The following KCNMB4 variants were observed in gnomAD, a reference collection of about 807,000 sequenced individuals.
KCNMB4 encodes the protein calcium-activated potassium channel subunit beta-4.
KCNMB4 carries 3 observed loss-of-function variants against 20.7 expected under a neutral mutation model. That is an observed-to-expected ratio of 0.14 (90% CI 0.07 to 0.37). KCNMB4 has a LOEUF of 0.37. KCNMB4 is among the 10% of genes least tolerant of loss of function. The pLI is 1.00. For synonymous variants in KCNMB4, 110 were observed against 113.4 expected (o/e 0.97, Z 0.19); for missense variants, 168 against 265.9 (o/e 0.63, Z 2.56).
At chr12:70,383,559 A>G (rs903932264) in intron 1 of KCNMB4, among the ~76,000 whole-genome samples, 4 of 152,220 alleles carry the variant, frequency 2.6e-5, no homozygotes, top group Non-Finnish European at 5.9e-5. Flanking sequence ...ATTTGTCCAC[A>G]GTTCTGAAGT....
intron 1 of KCNMB4, among the ~76,000 whole-genome samples, chr12:70,374,129 TA>T (rs1883645727): frequency 6.6e-6 from 1 of 152,182 alleles, no homozygotes; most frequent in Admixed American, 6.5e-5. Context: ...AACTTATGCA[TA>T]AAAAAGAATC....
At chr12:70,415,448 G>A (rs973051251) in intron 2 of KCNMB4, among the ~76,000 whole-genome samples, 5 of 152,176 alleles carry the variant, frequency 3.3e-5, no homozygotes, top group African/African-American at 1.2e-4. Context: ...ATTCTGCTCT[G>A]GTGCTGCTAA....
Position 70,430,889 on chromosome 12 carries a change from A to G in KCNMB4, c.*236A>G, listed in dbSNP as rs1869347108. On this transcript the variant is annotated 3_prime_UTR_variant, in exon 3 of 3. Coordinates refer to ENST00000258111, the MANE Select transcript of KCNMB4 (RefSeq NM_014505.6). ...GGTCAAGATCTTAGCTGTATGGAGTAACTATTTCAGAAAACCCTATAAGAA... is the reference window on the plus strand; with the variant it reads ...GGTCAAGATCTTAGCTGTATGGAGTGACTATTTCAGAAAACCCTATAAGAA... 7.3e-6 allele frequency: 3 copies of G among 413,190 alleles called. No individual in the cohort carries two copies. The highest frequency in any genetic ancestry group is 1.3e-5 in the Non-Finnish European group (3 of 235,640). The allele number at this position is 413,190 out of a possible 1,614,324, so 25.6% of individuals were successfully genotyped here.
At position 70,388,601 on chromosome 12, in the gene KCNMB4, C is replaced by T. The variant is rs946455860; in HGVS notation, c.337-11608C>T. ...CTCATTGTAGTTTTGATTTGCATTT[C>T]TCTGATGATCAGTGATATTGAGTAC... On this transcript the variant is annotated intron_variant, in intron 1 of 2. Coordinates refer to ENST00000258111, the MANE Select transcript of KCNMB4 (RefSeq NM_014505.6). Among the ~76,000 whole-genome samples, 3 of 152,132 alleles carry T rather than the reference C, an allele frequency of 2.0e-5. 1 individual carries two copies. The highest frequency in any genetic ancestry group is 7.2e-5 in the African/African-American group (3 of 41,438).
chr12:70,397,936 A>G (rs1469123113), intron 1 of KCNMB4, among the ~76,000 whole-genome samples: 1 of 152,218 alleles, frequency 6.6e-6, no homozygotes, highest in East Asian at 1.9e-4. Flanking sequence ...TCTCCTTCGT[A>G]GAAGAGCACA....
chr12:70,379,157 C>T (rs960382757), intron 1 of KCNMB4, among the ~76,000 whole-genome samples: 3 of 152,062 alleles, frequency 2.0e-5, no homozygotes, highest in East Asian at 1.9e-4. Flanking sequence ...TTTTAAGGGC[C>T]GTAGGATCTT....
chr12:70,371,141 GC>G (rs544121323), intron 1 of KCNMB4, among the ~76,000 whole-genome samples: 1 of 152,208 alleles, frequency 6.6e-6, no homozygotes, highest in Non-Finnish European at 1.5e-5. Flanking sequence ...ACAGGCGTGA[GC>G]CAACACGCCC....
Position 70,366,732 on chromosome 12 carries a change from G to T in KCNMB4, c.-3G>T. On this transcript the variant is annotated 5_prime_UTR_variant, in exon 1 of 3. Coordinates refer to ENST00000258111, the MANE Select transcript of KCNMB4 (RefSeq NM_014505.6). ...GCACGCCAGCCGCCGAGAGTGGGGG[G>T]CGATGGCGAAGCTCCGGGTGGCTTA... The T allele has an allele frequency of 1.3e-6, 2 of 1,577,334 alleles. No homozygotes were observed. Among genetic ancestry groups the T allele is most frequent in the Non-Finnish European group, 8.6e-7 (1 of 1,163,434 alleles).
intron 2 of KCNMB4, among the ~76,000 whole-genome samples, chr12:70,402,826 G>A (rs1868492781): frequency 6.6e-6 from 1 of 152,092 alleles, no homozygotes; most frequent in Admixed American, 6.5e-5. Flanking sequence ...TAATATAGTT[G>A]CTTCAGTTCC....
chr12:70,422,589 C>T (rs1444655267), intron 2 of KCNMB4: 1 of 660,408 alleles, frequency 1.5e-6, no homozygotes, highest in Non-Finnish European at 2.3e-6. Context: ...GGAAGAGCAA[C>T]AAAGGATTTC....
At chr12:70,414,682 T>C (rs142078322) in intron 2 of KCNMB4, among the ~76,000 whole-genome samples, 282 of 152,336 alleles carry the variant, frequency 1.9e-3, no homozygotes, top group African/African-American at 6.6e-3. Flanking sequence ...ACACTATTGA[T>C]TCATATGGAG....
At chr12:70,373,694 TAAAG>T (rs1883637566) in intron 1 of KCNMB4, among the ~76,000 whole-genome samples, 1 of 152,198 alleles carries the variant, frequency 6.6e-6, no homozygotes, top group Non-Finnish European at 1.5e-5. Flanking sequence ...ATTAGATATT[TAAAG>T]GCGTGGTCAG....
intron 1 of KCNMB4, among the ~76,000 whole-genome samples, chr12:70,392,626 A>G (rs568567694): frequency 6.6e-6 from 1 of 152,356 alleles, no homozygotes; most frequent in African/African-American, 2.4e-5. Flanking sequence ...TGTGGCACGT[A>G]TACACCATGG....
chr12:70,370,918 A>G (rs1344338219), intron 1 of KCNMB4, among the ~76,000 whole-genome samples: 2 of 152,136 alleles, frequency 1.3e-5, no homozygotes, highest in Non-Finnish European at 2.9e-5. Flanking sequence ...GTGCAGTGGC[A>G]TGATCTCAGC....
intron 2 of KCNMB4, among the ~76,000 whole-genome samples, chr12:70,400,905 C>G (rs1188983787): frequency 6.6e-6 from 1 of 152,216 alleles, no homozygotes; most frequent in Non-Finnish European, 1.5e-5. Flanking sequence ...CCTTCACTTG[C>G]TCCCATAATC....
At chr12:70,377,299 C>G (rs1305625921) in intron 1 of KCNMB4, among the ~76,000 whole-genome samples, 1 of 152,112 alleles carries the variant, frequency 6.6e-6, no homozygotes, top group African/African-American at 2.4e-5. Context: ...GGTTCCAGAC[C>G]ACTTCAACAA....
In KCNMB4 at chr12:70,376,994, T is replaced by C. The variant is rs555685357; in HGVS notation, c.336+9924T>C. On this transcript the variant is annotated intron_variant, in intron 1 of 2. Coordinates refer to ENST00000258111, the MANE Select transcript of KCNMB4 (RefSeq NM_014505.6). ...TAACCTGAAGACTACAAAGCACTGCTGAGAAAAATTACAGAAGACTTAGAT... is the reference window on the plus strand; with the variant it reads ...TAACCTGAAGACTACAAAGCACTGCCGAGAAAAATTACAGAAGACTTAGAT... Among the ~76,000 whole-genome samples, 32 of 152,260 alleles carry C rather than the reference T, an allele frequency of 2.1e-4. 1 individual carries two copies. In the South Asian group the frequency reaches 6.6e-3, roughly 32 times the overall value.
chr12:70,415,032 A>G (rs939052298), intron 2 of KCNMB4, among the ~76,000 whole-genome samples: 7 of 152,208 alleles, frequency 4.6e-5, no homozygotes, highest in African/African-American at 1.7e-4. Flanking sequence ...TTCACTGCTG[A>G]TCTTCCTTTG....
intron 2 of KCNMB4, among the ~76,000 whole-genome samples, chr12:70,417,152 G>A (rs1050225220): frequency 4.6e-5 from 7 of 152,166 alleles, no homozygotes; most frequent in Non-Finnish European, 1.0e-4. Context: ...CAGGGAATTG[G>A]ACTTAACCTA....
Sources: gnomAD v4.1 joint callset for allele counts (sites outside exome capture counted in the v4.1 genomes callset) on GRCh38, gnomAD v4.1.1 for gene constraint, MANE v1.5 for transcripts, NCBI Gene and HGNC (gene_info 2026-07-23, HGNC 2026-07-21) for gene names.